The following DMD variants were observed in gnomAD, a reference collection of about 807,000 sequenced individuals.
DMD encodes the protein mutant dystrophin.
Under a neutral mutation model 330.1 loss-of-function variants are expected in DMD, and 63 were observed. The observed-to-expected ratio is 0.19, with a 90% confidence interval of 0.16 to 0.24. The LOEUF is 0.24. Among genes scored for constraint, DMD ranks in the 10% least tolerant of loss-of-function variants. The pLI is 1.00. For missense variants in DMD, 3,344 were observed against 2,684.1 expected, an observed-to-expected ratio of 1.25 and a Z score of -5.43; for synonymous variants, 1,223 against 959.8, an observed-to-expected ratio of 1.27 and a Z score of -5.07.
chrX:32,639,841 G>A (rs980529636), intron 11 of DMD, among the ~76,000 whole-genome samples: 22 of 110,476 alleles, frequency 2.0e-4, no homozygotes, highest in African/African-American at 7.2e-4. Context: ...AATAACCACA[G>A]CTATACTCTT....
At chrX:31,742,001 T>C (rs972155351) in intron 51 of DMD, among the ~76,000 whole-genome samples, 1 of 112,286 alleles carries the variant, frequency 8.9e-6, no homozygotes, top group Non-Finnish European at 1.9e-5. Context: ...TTTTATGTTA[T>C]AGAGAGGGCT....
chrX:31,520,306 G>A (rs1162334663), intron 55 of DMD, among the ~76,000 whole-genome samples: 4 of 110,573 alleles, frequency 3.6e-5, no homozygotes, highest in Non-Finnish European at 7.6e-5. Context: ...TTTCCCATGT[G>A]ATAGTGAGTG....
chrX:33,093,499 C>T (rs150166015), intron 1 of DMD, among the ~76,000 whole-genome samples: 127 of 111,945 alleles, frequency 1.1e-3, no homozygotes, highest in Middle Eastern at 4.7e-3. Context: ...TGAACTAAAA[C>T]ATCAGGCCTT....
intron 16 of DMD, among the ~76,000 whole-genome samples, chrX:32,553,475 T>C (rs769452914): frequency 9.0e-6 from 1 of 111,092 alleles, no homozygotes; most frequent in Non-Finnish European, 1.9e-5. Flanking sequence ...GCTTATTACC[T>C]GGGTGATGAA....
At chrX:33,225,261 G>A (rs2052264731) in intron 1 of DMD, among the ~76,000 whole-genome samples, 1 of 111,847 alleles carries the variant, frequency 8.9e-6, no homozygotes, top group African/African-American at 3.2e-5. Flanking sequence ...CTAAAACAAT[G>A]TTGAAAAGGA....
At chrX:32,685,181 C>T (rs111434947) in intron 9 of DMD, among the ~76,000 whole-genome samples, 1 of 110,881 alleles carries the variant, frequency 9.0e-6, no homozygotes, top group Admixed American at 9.7e-5. Flanking sequence ...ATTTGAGGTA[C>T]CAAATAGTTA....
intron 74 of DMD, among the ~76,000 whole-genome samples, chrX:31,156,919 T>C (rs1401120596): frequency 9.0e-6 from 1 of 111,520 alleles, no homozygotes; most frequent in African/African-American, 3.3e-5. Flanking sequence ...CCTAGCCACA[T>C]TGTAGCCACC....
intron 11 of DMD, among the ~76,000 whole-genome samples, chrX:32,630,684 C>T (rs1005527496): frequency 2.9e-4 from 32 of 111,639 alleles, no homozygotes; most frequent in Non-Finnish European, 2.6e-4. Flanking sequence ...CTTTTTATTT[C>T]AATCCCTTTG....
intron 60 of DMD, among the ~76,000 whole-genome samples, chrX:31,355,198 C>G (rs1182080091): frequency 1.8e-5 from 2 of 112,072 alleles, no homozygotes; most frequent in Admixed American, 1.9e-4. Context: ...TTTAGATTCT[C>G]AAGGGCTTCC....
chrX:32,824,713 G>A (rs1056356688), intron 4 of DMD, among the ~76,000 whole-genome samples: 4 of 111,927 alleles, frequency 3.6e-5, no homozygotes, highest in Middle Eastern at 4.6e-3. Flanking sequence ...ACCTACACAC[G>A]TAATAATGTT....
At chrX:31,794,326 T>G (rs1460805062) in intron 50 of DMD, among the ~76,000 whole-genome samples, 2 of 111,392 alleles carry the variant, frequency 1.8e-5, no homozygotes, top group African/African-American at 6.5e-5. Context: ...ATCGGGATGA[T>G]TGAGAGGAGC....
chrX:32,170,286 C>T (rs1242503179), intron 44 of DMD, among the ~76,000 whole-genome samples: 1 of 109,546 alleles, frequency 9.1e-6, no homozygotes, highest in Non-Finnish European at 1.9e-5. Flanking sequence ...GCCTGACCAA[C>T]ATGGTGAAAC....
At chrX:33,045,389 G>A (rs73188288) in intron 1 of DMD, among the ~76,000 whole-genome samples, 5,354 of 107,817 alleles carry the variant, frequency 0.05, 171 homozygotes, top group Middle Eastern at 0.1. Flanking sequence ...TCCTTTGCAA[G>A]TAAGGTAAGT....
chrX:32,382,258 A>G (rs1238876266), intron 33 of DMD, among the ~76,000 whole-genome samples: 1 of 111,606 alleles, frequency 9.0e-6, no homozygotes, highest in Non-Finnish European at 1.9e-5. Context: ...ATTGTAATGG[A>G]ATTGGTTAAA....
intron 45 of DMD, among the ~76,000 whole-genome samples, chrX:31,960,945 T>C (rs1461486810): frequency 9.0e-6 from 1 of 111,635 alleles, no homozygotes; most frequent in Non-Finnish European, 1.9e-5. Flanking sequence ...AAATAGCTCT[T>C]TGGTGATATG....
chrX:31,427,903 A>G (rs1221086172), intron 60 of DMD, among the ~76,000 whole-genome samples: 1 of 112,024 alleles, frequency 8.9e-6, no homozygotes, highest in East Asian at 2.8e-4. Flanking sequence ...ATGAAAGAAC[A>G]TATTATAAAC....
chrX:32,822,527 GATA>G (rs1330376185), intron 5 of DMD, among the ~76,000 whole-genome samples: 1 of 109,762 alleles, frequency 9.1e-6, no homozygotes, highest in African/African-American at 3.3e-5. Context: ...ACAATGAGTG[GATA>G]ATATTAGTGG....
intron 44 of DMD, among the ~76,000 whole-genome samples, chrX:31,988,795 C>G (rs1462038385): frequency 9.0e-6 from 1 of 110,714 alleles, no homozygotes; most frequent in Admixed American, 9.6e-5. Context: ...CTGTCTCTCT[C>G]TCTCTCTCTC....
chrX:31,596,606 A>C (rs986427556), intron 55 of DMD, among the ~76,000 whole-genome samples: 11 of 111,716 alleles, frequency 9.8e-5, no homozygotes, highest in African/African-American at 3.6e-4. Flanking sequence ...TTTCACTTGG[A>C]GTGATGGTGC....
Sources: allele counts gnomAD v4.1 joint callset (sites outside exome capture counted in the v4.1 genomes callset), GRCh38; gene constraint gnomAD v4.1.1; transcripts MANE v1.5; gene names NCBI Gene and HGNC (gene_info 2026-07-23, HGNC 2026-07-21).